The following YEATS4 variants were observed in gnomAD, a reference collection of about 807,000 sequenced individuals.
The protein encoded by YEATS4 is YEATS domain-containing protein 4.
A neutral mutation model predicts 30.1 loss-of-function variants in YEATS4; 17 were observed. The observed-to-expected ratio is 0.56, with a 90% CI of 0.39 to 0.85. YEATS4 has a LOEUF of 0.85. Ranked by LOEUF, YEATS4 falls within the 40% of genes least tolerant of loss-of-function variation. The pLI is 0.00. For synonymous variants in YEATS4, 85 were observed against 87.5 expected (o/e 0.97, Z 0.16); for missense variants, 142 against 268.3 (o/e 0.53, Z 3.29).
At chr12:69,375,081 G>A (rs1257229329) in intron 6 of YEATS4, among the ~76,000 whole-genome samples, 2 of 151,150 alleles carry the variant, frequency 1.3e-5, no homozygotes, top group African/African-American at 4.9e-5. Context: ...CGGCTGCCGG[G>A]CGGAGACGCT....
chr12:69,395,435 G>C (rs949941639), downstream of YEATS4, among the ~76,000 whole-genome samples: 2 of 151,900 alleles, frequency 1.3e-5, no homozygotes, highest in African/African-American at 4.8e-5. Flanking sequence ...CTGGTTTGTT[G>C]GTGGGGGAGG....
downstream of YEATS4, among the ~76,000 whole-genome samples, chr12:69,394,797 G>A (rs1391471395): frequency 6.6e-6 from 1 of 152,024 alleles, no homozygotes. Flanking sequence ...TTTCGCCATA[G>A]TCTTGAACTC....
chr12:69,422,301 G>T, the YEATS4 span, among the ~76,000 whole-genome samples: 1 of 152,132 alleles, frequency 6.6e-6, no homozygotes, highest in African/African-American at 2.4e-5. Context: ...TAGAAGTAAA[G>T]CTCTCTCAGG....
At chr12:69,419,234 T>TTTG in the YEATS4 span, among the ~76,000 whole-genome samples, 1 of 145,926 alleles carries the variant, frequency 6.9e-6, no homozygotes, top group Non-Finnish European at 1.5e-5. Context: ...TTTTTTTTTT[T>TTTG]TTTAGAGACA....
At chr12:69,360,430 A>T (rs1310426699) in intron 1 of YEATS4, among the ~76,000 whole-genome samples, 1 of 152,164 alleles carries the variant, frequency 6.6e-6, no homozygotes, top group Non-Finnish European at 1.5e-5. Flanking sequence ...CTGAGCGCTT[A>T]CCCGCAGTAT....
At chr12:69,396,377 T>C in the YEATS4 span, among the ~76,000 whole-genome samples, 1 of 152,192 alleles carries the variant, frequency 6.6e-6, no homozygotes, top group African/African-American at 2.4e-5. Flanking sequence ...GAGATTCAAT[T>C]TTAATTCAGC....
intron 2 of YEATS4, chr12:69,364,054 G>A (rs550509295): frequency 3.0e-5 from 8 of 263,140 alleles, no homozygotes; most frequent in South Asian, 2.6e-4. Context: ...GCTAGTGGGT[G>A]GGGGAGAAAG....
downstream of YEATS4, among the ~76,000 whole-genome samples, chr12:69,394,621 T>G (rs954280801): frequency 5.7e-5 from 8 of 139,812 alleles, no homozygotes; most frequent in African/African-American, 2.1e-4. Flanking sequence ...GATAGTGTGT[T>G]TGTTTGTTTG....
the YEATS4 span, among the ~76,000 whole-genome samples, chr12:69,414,589 A>G: frequency 2.0e-5 from 3 of 152,204 alleles, no homozygotes; most frequent in South Asian, 6.2e-4. Flanking sequence ...GCTATACAGG[A>G]ATAGGAAAAG....
At position 69,371,422 on chromosome 12, in the gene YEATS4, C is replaced by T. The variant is rs144991037; in HGVS notation, c.514+447C>T. 7.9e-5 allele frequency among the ~76,000 whole-genome samples: 12 copies of T among 152,314 alleles called. No individual in the cohort carries two copies. The East Asian group carries it at 2.3e-3, about 29-fold the overall frequency. On this transcript the variant is annotated intron_variant, in intron 6 of 6. Transcript: ENST00000247843. The stretch of plus-strand genomic sequence containing the variant: ...CAGATTAATGCTCAAGTGTTGACTA[C>T]CTGAATGCCACATTGATAATCGGTC...
At chr12:69,414,267 G>A in the YEATS4 span, among the ~76,000 whole-genome samples, 2 of 152,106 alleles carry the variant, frequency 1.3e-5, no homozygotes, top group African/African-American at 4.8e-5. Context: ...GTCTTGCTCT[G>A]TCACCCAGGC....
chr12:69,385,979 C>T (rs1281540405), intron 6 of YEATS4, among the ~76,000 whole-genome samples: 2 of 152,178 alleles, frequency 1.3e-5, no homozygotes, highest in Non-Finnish European at 2.9e-5. Flanking sequence ...TTGTAAAAAG[C>T]CTGATAGTCT....
chr12:69,366,330 A>C (rs1353825215), intron 4 of YEATS4, among the ~76,000 whole-genome samples: 1 of 151,936 alleles, frequency 6.6e-6, no homozygotes, highest in Admixed American at 6.6e-5. Context: ...TTTTATAGCC[A>C]CTGGCTTTTT....
intron 6 of YEATS4, among the ~76,000 whole-genome samples, chr12:69,372,461 A>T (rs892653783): frequency 6.0e-5 from 9 of 149,618 alleles, no homozygotes; most frequent in Admixed American, 1.3e-4. Flanking sequence ...ACCAATAACC[A>T]TCCTTTACCC....
At chr12:69,362,016 T>TTTTTTTGTTTTTG (rs1875235284) in intron 1 of YEATS4, among the ~76,000 whole-genome samples, 4 of 111,256 alleles carry the variant, frequency 3.6e-5, no homozygotes, top group African/African-American at 6.5e-5. Flanking sequence ...TTTGGTTGTT[T>TTTTTTTGTTTTTG]TTTTTTTTTT....
At chr12:69,408,790 A>G in the YEATS4 span, among the ~76,000 whole-genome samples, 1 of 152,184 alleles carries the variant, frequency 6.6e-6, no homozygotes, top group Non-Finnish European at 1.5e-5. Context: ...ACCTTTCAAT[A>G]TGCTCTCATT....
chr12:69,426,776 A>G, the YEATS4 span, among the ~76,000 whole-genome samples: 4 of 152,342 alleles, frequency 2.6e-5, no homozygotes, highest in South Asian at 8.3e-4. Flanking sequence ...CATTTTGTGA[A>G]AAATCAATCT....
chr12:69,391,045 G>A (rs752424193), downstream of YEATS4, among the ~76,000 whole-genome samples: 2 of 152,210 alleles, frequency 1.3e-5, no homozygotes, highest in Admixed American at 1.3e-4. Context: ...TGTAATACCA[G>A]CACTTTGGGA....
the YEATS4 span, among the ~76,000 whole-genome samples, chr12:69,399,980 G>A: frequency 2.0e-5 from 3 of 152,224 alleles, no homozygotes; most frequent in Non-Finnish European, 2.9e-5. Flanking sequence ...GTGGGGAAGG[G>A]AGGATGGGGA....
Sources: allele counts gnomAD v4.1 joint callset (sites outside exome capture counted in the v4.1 genomes callset), GRCh38; gene constraint gnomAD v4.1.1; transcripts MANE v1.5; gene names NCBI Gene and HGNC (gene_info 2026-07-23, HGNC 2026-07-21).